ARL3: variants seen among roughly 807,000 people sequenced by gnomAD.
ARL3 encodes the protein ARF like GTPase 3.
Under a neutral mutation model 26.0 loss-of-function variants are expected in ARL3, and 9 were observed. That is an observed-to-expected ratio of 0.35 (90% CI 0.21 to 0.60). The LOEUF (loss-of-function observed/expected upper bound fraction) is 0.60, where lower values mean the gene tolerates loss of function less well. Among genes scored for constraint, ARL3 ranks in the 20% least tolerant of loss-of-function variants. The pLI is 0.78. For missense variants in ARL3, 158 were observed against 215.7 expected, an observed-to-expected ratio of 0.73 and a Z score of 1.67; for synonymous variants, 71 against 78.4, an observed-to-expected ratio of 0.91 and a Z score of 0.50.
At chr10:102,688,807 G>GCC (rs930703375) in intron 4 of ARL3, among the ~76,000 whole-genome samples, 2 of 152,068 alleles carry the variant, frequency 1.3e-5, no homozygotes, top group Admixed American at 1.3e-4. Flanking sequence ...CCAGCCCTTG[G>GCC]CATGTGCATT....
At chr10:102,694,398 C>G (rs1158757703) in intron 3 of ARL3, among the ~76,000 whole-genome samples, 3 of 152,070 alleles carry the variant, frequency 2.0e-5, no homozygotes, top group Admixed American at 1.3e-4. Context: ...AGATGTTCTC[C>G]TATGTTGTCT....
At chr10:102,690,019 G>A (rs1323788658) in intron 3 of ARL3, 76 bp from the exon 4 acceptor site, 1 of 912,506 alleles carries the variant, frequency 1.1e-6, no homozygotes, top group Non-Finnish European at 1.7e-6. Context: ...AAAGGAGCAG[G>A]TGATCCCCAA....
chr10:102,707,444 G>A (rs2064315932), intron 1 of ARL3, among the ~76,000 whole-genome samples: 1 of 151,998 alleles, frequency 6.6e-6, no homozygotes, highest in South Asian at 2.1e-4. Flanking sequence ...ACGACACATG[G>A]CTAGAACAAG....
rs2064118520 is a variant in ARL3 at position 102,674,134 on chromosome 10, GGAGA to G, written c.*2756_*2759del. 2 of 152,694 alleles carry G rather than the reference GGAGA, an allele frequency of 1.3e-5. No individual in the cohort carries two copies. Among genetic ancestry groups the G allele is most frequent in the Non-Finnish European group, 2.9e-5 (2 of 68,078 alleles). The allele number at this position is 152,694 out of a possible 1,614,324, so 9.5% of individuals were successfully genotyped here. ...GAATAAAGAAATTTGTCAAAAGCAA[GGAGA>G]GAGAAGTGGAGACGGAGGGAGGGAG... On this transcript the variant is annotated 3_prime_UTR_variant, in exon 6 of 6. Coordinates refer to ENST00000260746, the MANE Select transcript of ARL3 (RefSeq NM_004311.4).
chr10:102,685,832 G>C lies in ARL3; in HGVS notation c.485C>G (p.Thr162Arg). Residue 162 changes from threonine (T) to arginine (R), a missense_variant, in exon 5 of 6, where the codon ACA becomes AGA. By Grantham distance (71) the Thr-to-Arg change is moderately conservative. Transcript: ENST00000260746. The part of the protein sequence containing the change: ...VWQIQSCSAL[T>R]GEGVQDGMNW... ...TAATCTCACCTGAACGCCCTCTCCT[G>C]TGAGAGCTGAGCAAGACTGGATCTG... 1 of 1,611,706 alleles carries C rather than the reference G, an allele frequency of 6.2e-7. No homozygotes were observed. The highest frequency in any genetic ancestry group is 8.5e-7 in the Non-Finnish European group (1 of 1,179,070).
chr10:102,713,846 C>A (rs1025755591), intron 1 of ARL3, among the ~76,000 whole-genome samples: 2 of 152,284 alleles, frequency 1.3e-5, no homozygotes, highest in Non-Finnish European at 2.9e-5. Context: ...GGCCGGCCTT[C>A]TCTCCGCTTC....
In ARL3 at chr10:102,705,452, G is replaced by C. The variant is rs781663223; in HGVS notation, c.41C>G (p.Pro14Arg). ...LSILRKLKSA[P>R]DQEVRILLLG... ...GAGAAGTATTCTCACCTCCTGGTCT[G>C]GTGCACTTTTCAACTTGCGCAAAAT... The change falls in exon 2 of 6, where the codon CCA becomes CGA. Residue 14 changes from proline (P) to arginine (R), a missense_variant. Pro to Arg is a moderately radical substitution (Grantham distance 103). Coordinates refer to ENST00000260746, the MANE Select transcript of ARL3 (RefSeq NM_004311.4). 1.6e-5 allele frequency: 26 copies of C among 1,605,952 alleles called. No homozygotes were observed. The highest frequency in any genetic ancestry group is 2.2e-5 in the Non-Finnish European group (26 of 1,173,426).
chr10:102,700,422 G>A (rs1412124455), intron 2 of ARL3, among the ~76,000 whole-genome samples: 6 of 41,808 alleles, frequency 1.4e-4, no homozygotes, highest in African/African-American at 1.8e-4. Context: ...AAAAAAAAAA[G>A]TGCTTTCATA....
At chr10:102,678,844 G>A (rs2064142368) in intron 5 of ARL3, among the ~76,000 whole-genome samples, 1 of 152,224 alleles carries the variant, frequency 6.6e-6, no homozygotes, top group Non-Finnish European at 1.5e-5. Flanking sequence ...GGGTTCAAAC[G>A]GCAGAGCCCT....
intron 3 of ARL3, among the ~76,000 whole-genome samples, chr10:102,693,064 T>C (rs1300621688): frequency 6.6e-6 from 1 of 152,334 alleles, no homozygotes; most frequent in East Asian, 1.9e-4. Context: ...ACTATACGGG[T>C]GTACCACAGT....
intron 1 of ARL3, among the ~76,000 whole-genome samples, chr10:102,713,705 C>T (rs1054593672): frequency 6.6e-6 from 1 of 152,190 alleles, no homozygotes; most frequent in African/African-American, 2.4e-5. Context: ...ACCAGGCATC[C>T]CTTCCAAGCG....
intron 5 of ARL3, among the ~76,000 whole-genome samples, chr10:102,678,552 C>T (rs1424264246): frequency 6.6e-6 from 1 of 152,198 alleles, no homozygotes; most frequent in East Asian, 1.9e-4. Flanking sequence ...CAGGGGCTCA[C>T]ACAAACACTC....
At chr10:102,703,145 C>T (rs1182540980) in intron 2 of ARL3, among the ~76,000 whole-genome samples, 5 of 103,272 alleles carry the variant, frequency 4.8e-5, no homozygotes, top group African/African-American at 7.0e-5. Context: ...TTTTTTGAGA[C>T]GGAGTCTCAC....
At chr10:102,684,996 C>T (rs1040644726) in intron 5 of ARL3, among the ~76,000 whole-genome samples, 1 of 150,554 alleles carries the variant, frequency 6.6e-6, no homozygotes, top group South Asian at 2.1e-4. Flanking sequence ...GCCTGTAATC[C>T]CAGCACTTTG....
chr10:102,695,937 C>T (rs1481573543), intron 3 of ARL3, among the ~76,000 whole-genome samples: 1 of 151,934 alleles, frequency 6.6e-6, no homozygotes, highest in East Asian at 1.9e-4. Flanking sequence ...TCTTGTTGCC[C>T]AGGCTGGAGT....
chr10:102,705,318 C>G lies in ARL3; in HGVS notation c.147+28G>C, dbSNP rs781675536. 15 of 1,529,380 alleles carry G rather than the reference C, an allele frequency of 9.8e-6. No individual in the cohort carries two copies. In the South Asian group the frequency reaches 1.5e-4, roughly 15 times the overall value. 94.7% of individuals were successfully genotyped at this position (1,529,380 alleles called of 1,614,324 possible). A position where few individuals can be genotyped will look rare whatever the true frequency, so the allele number is the denominator to read the frequency against. The stretch of plus-strand genomic sequence containing the variant: ...GCTATTATCGTCTTCCTGTGTCACA[C>G]GGCATCTGGAGCCAAGGCAGTGCTC... On this transcript the variant is annotated intron_variant, in intron 2 of 5. Transcript: ENST00000260746.
In ARL3 at chr10:102,698,213, TTGTCTTGAGACAGAGTATCACTC is replaced by T. The variant is rs1341620243; in HGVS notation, c.264+1137_264+1159del. ...GCAAGATGATTTCTTTTTTTTTTTC[TTGTCTTGAGACAGAGTATCACTC>T]TGTCTTCCAGGCTGGAGTGTGGTGG... On this transcript the variant is annotated intron_variant, in intron 3 of 5. Transcript: ENST00000260746. Among the ~76,000 whole-genome samples the T allele has an allele frequency of 1.6e-4, 24 of 152,072 alleles. 1 individual carries two copies. The highest frequency in any genetic ancestry group is 5.5e-4 in the African/African-American group (23 of 41,482).
At chr10:102,705,267 G>C in intron 2 of ARL3, 79 bp downstream of exon 2, 1 of 1,449,124 alleles carries the variant, frequency 6.9e-7, no homozygotes, top group Non-Finnish European at 9.2e-7. Flanking sequence ...GGACAAAACT[G>C]TATTTCCCAT....
chr10:102,677,187 G>A (rs778394217), intron 5 of ARL3, among the ~76,000 whole-genome samples: 14 of 152,186 alleles, frequency 9.2e-5, no homozygotes, highest in Non-Finnish European at 1.5e-4. Context: ...CTGAACTTGA[G>A]ATGGGTCCTC....
Sources: allele counts gnomAD v4.1 joint callset (sites outside exome capture counted in the v4.1 genomes callset), GRCh38; gene constraint gnomAD v4.1.1; transcripts MANE v1.5; gene names NCBI Gene and HGNC (gene_info 2026-07-23, HGNC 2026-07-21).